The following LIPF variants were observed in gnomAD, a reference collection of about 807,000 sequenced individuals.
LIPF encodes the protein lipase F, gastric type.
LIPF carries 25 observed loss-of-function variants against 38.0 expected under a neutral mutation model. That is an observed-to-expected ratio of 0.66 (90% CI 0.48 to 0.92). The LOEUF is 0.92. Among genes scored for constraint, LIPF ranks in the 40% least tolerant of loss-of-function variants. LIPF has a pLI of 0.00. For synonymous variants in LIPF, 161 were observed against 156.2 expected (o/e 1.03, Z -0.23); for missense variants, 410 against 469.9 (o/e 0.87, Z 1.18).
intron 6 of LIPF, among the ~76,000 whole-genome samples, chr10:88,672,181 G>A (rs12254574): frequency 0.11 from 16,386 of 152,152 alleles, 997 homozygotes; most frequent in African/African-American, 0.17. Context: ...TTCTTCATGT[G>A]AGTCAGCAAT....
Position 88,669,821 on chromosome 10 carries a change from G to T in LIPF, c.423-16G>T. On this transcript the variant is annotated splice_polypyrimidine_tract_variant and intron_variant, in intron 4 of 9. Coordinates refer to ENST00000238983, the MANE Select transcript of LIPF (RefSeq NM_004190.4). ...AAGGAAATGTATTCACTTTCATTTT[G>T]TCTTTTTCCTTTCAGCTTTGATGAA... 1.3e-6 allele frequency: 2 copies of T among 1,541,366 alleles called. No individual in the cohort carries two copies. The highest frequency in any genetic ancestry group is 1.1e-5 in the South Asian group (1 of 88,114).
At chr10:88,665,929 T>C (rs971504884) in intron 1 of LIPF, among the ~76,000 whole-genome samples, 1 of 151,838 alleles carries the variant, frequency 6.6e-6, no homozygotes, top group Non-Finnish European at 1.5e-5. Context: ...AGTAGAGACG[T>C]GGTTTCACCG....
At chr10:88,667,760 C>T in intron 3 of LIPF, 74 bp downstream of exon 3, 1 of 657,082 alleles carries the variant, frequency 1.5e-6, no homozygotes, top group South Asian at 2.3e-5. Flanking sequence ...TTCCCTCTCT[C>T]CTTTCTTCCT....
At chr10:88,672,954 C>A (rs974075133) in intron 6 of LIPF, among the ~76,000 whole-genome samples, 1 of 152,038 alleles carries the variant, frequency 6.6e-6, no homozygotes, top group Admixed American at 6.5e-5. Context: ...GCAATGCAGA[C>A]GTAGATTAAA....
At chr10:88,678,189 C>A (rs553260061) in intron 9 of LIPF, among the ~76,000 whole-genome samples, 17 of 152,166 alleles carry the variant, frequency 1.1e-4, no homozygotes, top group Non-Finnish European at 2.4e-4. Context: ...GGCTGTTCCC[C>A]AGATCTACTG....
Position 88,673,694 on chromosome 10 carries a change from T to G in LIPF, c.776T>G (p.Leu259Ter). The G allele has an allele frequency of 6.2e-7, 1 of 1,613,468 alleles. No homozygotes were observed. The highest frequency in any genetic ancestry group is 1.1e-5 in the South Asian group (1 of 90,984). The change falls in exon 7 of 10, where the codon TTA (leucine) becomes TGA (stop). Residue 259 changes from leucine to a stop codon, truncating the protein, a stop_gained. Coordinates refer to ENST00000238983, the MANE Select transcript of LIPF (RefSeq NM_004190.4). LOFTEE classifies it high-confidence loss of function. ...CTGAATCTCCTTTGCAGCAATGCCTTATTTATAATTTGTGGATTTGACAGT... is the reference window on the plus strand; with the variant it reads ...CTGAATCTCCTTTGCAGCAATGCCTGATTTATAATTTGTGGATTTGACAGT... ...EMLNLLCSNA[L>*]FIICGFDSKN... is the part of the protein sequence containing the mutation.
At position 88,675,626 on chromosome 10, in the gene LIPF, C is replaced by G; in HGVS notation, c.857C>G (p.Thr286Ser). 6.3e-7 allele frequency: 1 copy of G among 1,581,546 alleles called. No homozygotes were observed. Among genetic ancestry groups the G allele is most frequent in the Non-Finnish European group, 8.6e-7 (1 of 1,157,346 alleles). Residue 286 changes from threonine (T) to serine (S), a missense_variant, in exon 8 of 10, where the codon ACT (threonine) becomes AGT (serine). Physicochemically the swap from Thr to Ser is moderately conservative, Grantham distance 58. Coordinates refer to ENST00000238983, the MANE Select transcript of LIPF (RefSeq NM_004190.4). The stretch of plus-strand genomic sequence containing the variant: ...TATCTATCACATAATCCAGCAGGAA[C>G]TTCTGTTCAAAACATGTTCCATTGG... The part of the protein sequence containing the change: ...DVYLSHNPAG[T>S]SVQNMFHWTQ...
In LIPF at chr10:88,675,602, A is replaced by G; in HGVS notation, c.833A>G (p.Tyr278Cys). 6.5e-7 allele frequency: 1 copy of G among 1,545,488 alleles called. No individual in the cohort carries two copies. Reference sequence around the variant, plus strand: ...GATTTCTAGAGTCGCTTGGATGTGTATCTATCACATAATCCAGCAGGAACT... The same window carrying G: ...GATTTCTAGAGTCGCTTGGATGTGTGTCTATCACATAATCCAGCAGGAACT... ...KNFNTSRLDV[Y>C]LSHNPAGTSV... is the part of the protein sequence containing the mutation. Residue 278 changes from tyrosine to cysteine, a missense_variant, in exon 8 of 10, where the codon TAT becomes TGT. Physicochemically the swap from Tyr to Cys is radical, Grantham distance 194. Coordinates refer to ENST00000238983, the MANE Select transcript of LIPF (RefSeq NM_004190.4).
intron 7 of LIPF, 71 bp from the exon 8 acceptor site, chr10:88,675,515 T>C: frequency 2.7e-6 from 3 of 1,129,252 alleles, no homozygotes; most frequent in Non-Finnish European, 4.0e-6. Flanking sequence ...AAAACATAAA[T>C]CTTTACTGTT....
At chr10:88,669,625 T>A (rs896795116) in intron 4 of LIPF, 12 of 420,852 alleles carry the variant, frequency 2.9e-5, no homozygotes, top group African/African-American at 2.4e-4. Flanking sequence ...TGGATTCAAT[T>A]GTGGCTGCAA....
intron 9 of LIPF, among the ~76,000 whole-genome samples, chr10:88,678,142 C>T (rs969527756): frequency 6.6e-6 from 1 of 152,164 alleles, no homozygotes; most frequent in Non-Finnish European, 1.5e-5. Flanking sequence ...GGTTTGGAGC[C>T]AATGGCATCA....
chr10:88,672,664 A>ACTCT (rs1397216884), intron 6 of LIPF, among the ~76,000 whole-genome samples: 165 of 123,320 alleles, frequency 1.3e-3, no homozygotes, highest in African/African-American at 2.3e-3. Flanking sequence ...ACACACACAC[A>ACTCT]CACACACTCT....
chr10:88,677,866 A>C (rs890952519), intron 9 of LIPF, among the ~76,000 whole-genome samples: 2 of 152,208 alleles, frequency 1.3e-5, no homozygotes, highest in African/African-American at 4.8e-5. Flanking sequence ...AATTTGAAGC[A>C]ACATTTTGTA....
At chr10:88,668,817 TTCTAA>T in intron 4 of LIPF, 61 bp downstream of exon 4, 1 of 1,400,598 alleles carries the variant, frequency 7.1e-7, no homozygotes, top group Non-Finnish European at 9.9e-7. Flanking sequence ...CATTTGCCCC[TTCTAA>T]TCCAGTCCCA....
At chr10:88,668,867 C>T in intron 4 of LIPF, 111 bp downstream of exon 4, 1 of 856,746 alleles carries the variant, frequency 1.2e-6, no homozygotes, top group Non-Finnish European at 1.8e-6. Flanking sequence ...GGAGGATAAA[C>T]AAGTCATTTT....
intron 4 of LIPF, chr10:88,669,167 G>T (rs1841557967): frequency 6.0e-6 from 1 of 166,948 alleles, no homozygotes; most frequent in African/African-American, 2.4e-5. Flanking sequence ...ATCATGGAGA[G>T]ATTATCATGG....
chr10:88,670,010 T>G, intron 5 of LIPF, 64 bp downstream of exon 5: 1 of 988,024 alleles, frequency 1.0e-6, no homozygotes, highest in Non-Finnish European at 1.6e-6. Context: ...GTGGTTATGG[T>G]AGGCATGTTA....
At chr10:88,672,668 A>T (rs61853965) in intron 6 of LIPF, among the ~76,000 whole-genome samples, 5,770 of 115,682 alleles carry the variant, frequency 0.05, 130 homozygotes, top group Middle Eastern at 0.11. Flanking sequence ...ACACACACAC[A>T]CACTCTCTCT....
At chr10:88,667,483 A>G (rs890747972) in intron 2 of LIPF, 81 bp downstream of exon 2, 2 of 1,040,002 alleles carry the variant, frequency 1.9e-6, no homozygotes, top group South Asian at 1.4e-5. Flanking sequence ...ATTTTATATG[A>G]CCAATTAAAA....
Sources: allele counts gnomAD v4.1 joint callset (sites outside exome capture counted in the v4.1 genomes callset), GRCh38; gene constraint gnomAD v4.1.1; transcripts MANE v1.5; gene names NCBI Gene and HGNC (gene_info 2026-07-23, HGNC 2026-07-21).